The following BMP5 variants were observed in gnomAD, a reference collection of about 807,000 sequenced individuals.
The protein encoded by BMP5 is bone morphogenetic protein 5.
BMP5 carries 23 observed loss-of-function variants against 46.6 expected under a neutral mutation model. That is an observed-to-expected ratio of 0.49 (90% CI 0.35 to 0.70). BMP5 has a LOEUF of 0.70. Among genes scored for constraint, BMP5 ranks in the 30% least tolerant of loss-of-function variants. The probability of loss-of-function intolerance (pLI) is 0.00; values close to 1 mark genes in which losing one functional copy is unlikely to be tolerated. For synonymous variants in BMP5, 204 were observed against 191.9 expected, an observed-to-expected ratio of 1.06 and a Z score of -0.52; for missense variants, 545 against 565.6, an observed-to-expected ratio of 0.96 and a Z score of 0.37.
intron 1 of BMP5, among the ~76,000 whole-genome samples, chr6:55,824,514 A>T (rs1776484918): frequency 6.6e-6 from 1 of 151,956 alleles, no homozygotes; most frequent in Admixed American, 6.6e-5. Flanking sequence ...ATTACCATAT[A>T]AAAACAAATA....
Position 55,837,376 on chromosome 6 carries a change from T to TAGATAGATAGATAGAC in BMP5, c.491-17530_491-17529insGTCTATCTATCTATCT, listed in dbSNP as rs1236672631. Among the ~76,000 whole-genome samples the TAGATAGATAGATAGAC allele has an allele frequency of 3.2e-3, 481 of 149,676 alleles. 1 individual carries two copies. The highest frequency in any genetic ancestry group is 0.017 in the Middle Eastern group (5 of 294). ...ATAGATAGATAGATAGATAGATAGA[T>TAGATAGATAGATAGAC]AGACAGACAGATAGAAGAGATAGGC... On this transcript the variant is annotated intron_variant, in intron 1 of 6. Coordinates refer to ENST00000370830, the MANE Select transcript of BMP5 (RefSeq NM_021073.4).
chr6:55,832,598 A>G (rs891335116), intron 1 of BMP5, among the ~76,000 whole-genome samples: 3 of 152,202 alleles, frequency 2.0e-5, no homozygotes, highest in Non-Finnish European at 4.4e-5. Context: ...AAAACATGAC[A>G]TATCTAATTG....
intron 3 of BMP5, among the ~76,000 whole-genome samples, chr6:55,781,079 T>A (rs2127524154): frequency 6.6e-6 from 1 of 152,252 alleles, no homozygotes; most frequent in African/African-American, 2.4e-5. Context: ...AAGCACTTAC[T>A]TTTTAATAGC....
chr6:55,873,285 T>C (rs751646110), intron 1 of BMP5, among the ~76,000 whole-genome samples: 2 of 151,970 alleles, frequency 1.3e-5, no homozygotes, highest in Non-Finnish European at 2.9e-5. Context: ...TAATTTTAAG[T>C]CAAAGCAGAT....
chr6:55,784,114 G>A (rs368511157), intron 3 of BMP5, among the ~76,000 whole-genome samples: 3 of 151,704 alleles, frequency 2.0e-5, no homozygotes, highest in Non-Finnish European at 4.4e-5. Flanking sequence ...TAAGACTTCC[G>A]AATTAAGTTA....
In BMP5 at chr6:55,819,866, T is replaced by C; in HGVS notation, c.491-19A>G. 3.7e-6 allele frequency: 6 copies of C among 1,602,416 alleles called. No homozygotes were observed. Among genetic ancestry groups the C allele is most frequent in the Non-Finnish European group, 5.1e-6 (6 of 1,170,254 alleles). On this transcript the variant is annotated intron_variant, in intron 1 of 6. Coordinates refer to ENST00000370830, the MANE Select transcript of BMP5 (RefSeq NM_021073.4). ...CTTTCAACTGAAAAAATAAAGGGGG[T>C]TGAGGGGGAAAAAAGTTAGTCTTTT...
rs116521498 is a variant in BMP5, at chr6:55,863,177, G to A, written c.490+11199C>T. 1.4e-3 allele frequency among the ~76,000 whole-genome samples: 215 copies of A among 152,286 alleles called. 1 individual carries two copies. The highest frequency in any genetic ancestry group is 2.3e-3 in the Non-Finnish European group (155 of 68,024). On this transcript the variant is annotated intron_variant, in intron 1 of 6. Coordinates refer to ENST00000370830, the MANE Select transcript of BMP5 (RefSeq NM_021073.4). ...ACTCCAGTTTCCATAGATGTGTGTTGTGGGATCATATCTACTTCCTTGAGG... is the reference window on the plus strand; with the variant it reads ...ACTCCAGTTTCCATAGATGTGTGTTATGGGATCATATCTACTTCCTTGAGG...
intron 3 of BMP5, among the ~76,000 whole-genome samples, chr6:55,777,011 TTAAAA>T (rs1775190936): frequency 6.6e-6 from 1 of 151,988 alleles, no homozygotes; most frequent in Non-Finnish European, 1.5e-5. Flanking sequence ...TGAACTCCCT[TTAAAA>T]TAACTTTTAA....
intron 3 of BMP5, among the ~76,000 whole-genome samples, chr6:55,777,961 A>G (rs1187917290): frequency 6.6e-6 from 1 of 152,026 alleles, no homozygotes; most frequent in African/African-American, 2.4e-5. Flanking sequence ...GCAGTTCCAC[A>G]TTGGGTCAGG....
chr6:55,853,346 C>CTG (rs979480043), intron 1 of BMP5, among the ~76,000 whole-genome samples: 2 of 141,926 alleles, frequency 1.4e-5, no homozygotes, highest in Non-Finnish European at 1.5e-5. Flanking sequence ...CCCGCTTTCT[C>CTG]TCTCTCTCTC....
intron 4 of BMP5, among the ~76,000 whole-genome samples, chr6:55,768,170 T>C (rs56750083): frequency 0.023 from 3,495 of 152,068 alleles, 147 homozygotes; most frequent in African/African-American, 0.08. Context: ...TTGACTAATA[T>C]CTGTTTTTCC....
rs929710366 is a variant in BMP5, at chr6:55,874,928, C to A, written c.-63G>T. ...CTTGTCCTCTTAAAAAAAAAAAAAACCTAAGGTTCTAGGAGGTACAGTTTC... is the reference window on the plus strand; with the variant it reads ...CTTGTCCTCTTAAAAAAAAAAAAAAACTAAGGTTCTAGGAGGTACAGTTTC... On this transcript the variant is annotated 5_prime_UTR_variant, in exon 1 of 7. Transcript: ENST00000370830. The A allele has an allele frequency of 4.4e-5, 59 of 1,338,050 alleles. No individual in the cohort carries two copies. In the African/African-American group the frequency reaches 7.8e-4, roughly 18 times the overall value. 82.9% of individuals were successfully genotyped at this position (1,338,050 alleles called of 1,614,324 possible).
At position 55,799,864 on chromosome 6, in the gene BMP5, C is replaced by T. The variant is rs186150637; in HGVS notation, c.684-5437G>A. On this transcript the variant is annotated intron_variant, in intron 2 of 6. Transcript: ENST00000370830. Reference sequence around the variant, plus strand: ...GGTTTTGTCAGCCTGTCTCTTCAGCCTCTCAGATTCCTGGGACTTTGGGGT... The same window carrying T: ...GGTTTTGTCAGCCTGTCTCTTCAGCTTCTCAGATTCCTGGGACTTTGGGGT... Among the ~76,000 whole-genome samples, 36 of 152,274 alleles carry T rather than the reference C, an allele frequency of 2.4e-4. 1 individual carries two copies. In the Middle Eastern group the frequency reaches 0.014, roughly 58 times the overall value.
chr6:55,810,906 G>T (rs1776117943), intron 2 of BMP5, among the ~76,000 whole-genome samples: 2 of 152,036 alleles, frequency 1.3e-5, no homozygotes, highest in African/African-American at 2.4e-5. Flanking sequence ...ACACATACCT[G>T]CCCCCTATCA....
intron 5 of BMP5, among the ~76,000 whole-genome samples, chr6:55,759,947 G>A (rs552939610): frequency 6.6e-6 from 1 of 151,916 alleles, no homozygotes; most frequent in East Asian, 1.9e-4. Context: ...ATTTTAAACT[G>A]TCACCACATA....
Position 55,755,446 on chromosome 6 carries a change from A to G in BMP5, c.*87T>C. On this transcript the variant is annotated 3_prime_UTR_variant, in exon 7 of 7. Coordinates refer to ENST00000370830, the MANE Select transcript of BMP5 (RefSeq NM_021073.4). ...AAAATGAGCCAGACTAATTTTAGGA[A>G]ATTCCCCGTTTGTCTGAAAGTATGC... 1 of 1,334,922 alleles carries G rather than the reference A, an allele frequency of 7.5e-7. No individual in the cohort carries two copies. The highest frequency in any genetic ancestry group is 1.1e-6 in the Non-Finnish European group (1 of 949,420). The allele number at this position is 1,334,922 out of a possible 1,614,324, so 82.7% of individuals were successfully genotyped here.
chr6:55,801,329 G>C (rs1775844643), intron 2 of BMP5, among the ~76,000 whole-genome samples: 1 of 152,214 alleles, frequency 6.6e-6, no homozygotes, highest in African/African-American at 2.4e-5. Flanking sequence ...AGCTCCTTCA[G>C]ATCCCACTAA....
rs570941384 is a variant in BMP5 at position 55,835,392 on chromosome 6, A to G, written c.491-15545T>C. ...GCAGAAATTATTTCCTGGATTTCAAATGCACATGTACAGGAACACTTTGAC... is the reference window on the plus strand; with the variant it reads ...GCAGAAATTATTTCCTGGATTTCAAGTGCACATGTACAGGAACACTTTGAC... On this transcript the variant is annotated intron_variant, in intron 1 of 6. Coordinates refer to ENST00000370830, the MANE Select transcript of BMP5 (RefSeq NM_021073.4). Among the ~76,000 whole-genome samples the G allele has an allele frequency of 2.6e-5, 4 of 152,272 alleles. No homozygotes were observed. In the South Asian group the frequency reaches 8.3e-4, roughly 32 times the overall value.
chr6:55,756,022 T>C (rs1350091536), intron 6 of BMP5, among the ~76,000 whole-genome samples: 2 of 152,094 alleles, frequency 1.3e-5, no homozygotes, highest in African/African-American at 4.8e-5. Flanking sequence ...ACTGTTCCTA[T>C]ATATATCATG....
Sources: allele counts gnomAD v4.1 joint callset (sites outside exome capture counted in the v4.1 genomes callset), GRCh38; gene constraint gnomAD v4.1.1; transcripts MANE v1.5; gene names NCBI Gene and HGNC (gene_info 2026-07-23, HGNC 2026-07-21).